The following FRRS1L variants were observed in gnomAD, a reference collection of about 807,000 sequenced individuals.
The protein encoded by FRRS1L is ferric chelate reductase 1 like.
FRRS1L carries 22 observed loss-of-function variants against 28.6 expected under a neutral mutation model. That is an observed-to-expected ratio of 0.77 (90% CI 0.55 to 1.10). FRRS1L has a LOEUF of 1.10. FRRS1L is among the 50% of genes least tolerant of loss of function. The pLI is 0.00. For synonymous variants in FRRS1L, 158 were observed against 151.4 expected, an observed-to-expected ratio of 1.04 and a Z score of -0.32; for missense variants, 380 against 386.9, an observed-to-expected ratio of 0.98 and a Z score of 0.15.
rs900599959 is a variant in FRRS1L, at chr9:109,133,168, G to A, written c.*4287C>T. On this transcript the variant is annotated 3_prime_UTR_variant, in exon 5 of 5. Coordinates refer to ENST00000561981, the MANE Select transcript of FRRS1L (RefSeq NM_014334.4). ...TTATATATTCACCTTTTGACTCAGC[G>A]GAGCAATAAAAAAAGCACTGGGCTC... 2.6e-5 allele frequency: 4 copies of A among 152,164 alleles called. No homozygotes were observed. The highest frequency in any genetic ancestry group is 2.1e-4 in the South Asian group (1 of 4,826). 9.4% of individuals were successfully genotyped at this position (152,164 alleles called of 1,614,324 possible). A position where few individuals can be genotyped will look rare whatever the true frequency, so the allele number is the denominator to read the frequency against.
At chr9:109,149,994 T>C in intron 1 of FRRS1L, 1 of 347,768 alleles carries the variant, frequency 2.9e-6, no homozygotes, top group Non-Finnish European at 5.3e-6. Flanking sequence ...CACAATTTCA[T>C]ATAACCACGG....
At chr9:109,163,461 C>G (rs1831503892) in intron 1 of FRRS1L, among the ~76,000 whole-genome samples, 1 of 152,136 alleles carries the variant, frequency 6.6e-6, no homozygotes, top group African/African-American at 2.4e-5. Flanking sequence ...GTGGGACCCT[C>G]AAAGAATTCT....
intron 3 of FRRS1L, among the ~76,000 whole-genome samples, chr9:109,145,962 G>A (rs1271237982): frequency 6.6e-6 from 1 of 152,168 alleles, no homozygotes; most frequent in South Asian, 2.1e-4. Flanking sequence ...CTGAGAGGTC[G>A]AGGTGGGTGG....
chr9:109,157,291 T>A (rs1336228873), intron 1 of FRRS1L, among the ~76,000 whole-genome samples: 1 of 152,244 alleles, frequency 6.6e-6, no homozygotes, highest in Admixed American at 6.5e-5. Context: ...TTTTAGTGGA[T>A]CTTATGTGCT....
At chr9:109,163,403 G>A (rs1406237737) in intron 1 of FRRS1L, among the ~76,000 whole-genome samples, 1 of 152,180 alleles carries the variant, frequency 6.6e-6, no homozygotes, top group African/African-American at 2.4e-5. Context: ...CCTGAAAGAG[G>A]TGACATTTGA....
At chr9:109,163,933 A>T (rs10979721) in intron 1 of FRRS1L, among the ~76,000 whole-genome samples, 44,963 of 151,954 alleles carry the variant, frequency 0.3, 7,471 homozygotes, top group African/African-American at 0.44. Context: ...ATCTCCTGAA[A>T]CCATCGATAA....
intron 1 of FRRS1L, among the ~76,000 whole-genome samples, chr9:109,153,916 T>G (rs1270679619): frequency 2.0e-5 from 3 of 152,254 alleles, no homozygotes; most frequent in African/African-American, 7.2e-5. Flanking sequence ...TTCTATAGGC[T>G]GAGTACTCTG....
chr9:109,143,690 T>A (rs2118474259), intron 3 of FRRS1L, among the ~76,000 whole-genome samples: 1 of 151,914 alleles, frequency 6.6e-6, no homozygotes, highest in South Asian at 2.1e-4. Context: ...AATTTTTGTA[T>A]TTTTAGTAGA....
chr9:109,165,397 G>A (rs1831535434), intron 1 of FRRS1L, among the ~76,000 whole-genome samples: 1 of 152,172 alleles, frequency 6.6e-6, no homozygotes, highest in Non-Finnish European at 1.5e-5. Flanking sequence ...TACTGATGAG[G>A]ACAAAGCCTC....
At chr9:109,160,407 A>G (rs1194949581) in intron 1 of FRRS1L, among the ~76,000 whole-genome samples, 1 of 151,740 alleles carries the variant, frequency 6.6e-6, no homozygotes, top group Non-Finnish European at 1.5e-5. Context: ...ACTTCCTGCT[A>G]TTCCTTTTAT....
Position 109,149,698 on chromosome 9 carries a change from A to C in FRRS1L, c.261T>G (p.Pro87=), listed in dbSNP as rs1186861987. 1 of 1,612,936 alleles carries C rather than the reference A, an allele frequency of 6.2e-7. No individual in the cohort carries two copies. Among genetic ancestry groups the C allele is most frequent in the Non-Finnish European group, 8.5e-7 (1 of 1,178,992 alleles). ...TGATTTTGGCAAATGGATCCACAGG[A>C]GGAGCAGTAGGGAAGGGGTAACCTG... is the stretch of plus-strand genomic sequence containing the variant. The part of the protein sequence containing the change: ...SEEGYPFPTA[P]PVDPFAKIKV... The change falls in exon 2 of 5, where the codon CCT becomes CCG. Residue 87 remains proline (P), a synonymous_variant. Transcript: ENST00000561981.
Position 109,141,939 on chromosome 9 carries a change from C to G in FRRS1L, c.463-350G>C, listed in dbSNP as rs79077827. Among the ~76,000 whole-genome samples, 765 of 140,202 alleles carry G rather than the reference C, an allele frequency of 5.5e-3. 2 individuals are homozygous for G. Among genetic ancestry groups the G allele is most frequent in the Non-Finnish European group, 9.1e-3 (589 of 65,062 alleles). The allele number at this position is 140,202 out of a possible 152,430, so 92.0% of individuals were successfully genotyped here. ...CCTATAATCTTCAAGGAGTCAGTGT[C>G]ATAAAAGACCAAAAAAAGAAAAAAA... On this transcript the variant is annotated intron_variant, in intron 3 of 4. Coordinates refer to ENST00000561981, the MANE Select transcript of FRRS1L (RefSeq NM_014334.4).
In FRRS1L at chr9:109,130,493, T is replaced by C. The variant is rs1462203020; in HGVS notation, c.*6962A>G. 2 of 152,176 alleles carry C rather than the reference T, an allele frequency of 1.3e-5. No homozygotes were observed. Among genetic ancestry groups the C allele is most frequent in the Non-Finnish European group, 2.9e-5 (2 of 68,026 alleles). 9.4% of individuals were successfully genotyped at this position (152,176 alleles called of 1,614,324 possible). A position where few individuals can be genotyped will look rare whatever the true frequency, so the allele number is the denominator to read the frequency against. ...TATTGCTACAATTACTTTACATAAATAGAAATCCACGTCTTTATTAGTAAT... is the reference window on the plus strand; with the variant it reads ...TATTGCTACAATTACTTTACATAAACAGAAATCCACGTCTTTATTAGTAAT... On this transcript the variant is annotated 3_prime_UTR_variant, in exon 5 of 5. Transcript: ENST00000561981.
intron 1 of FRRS1L, chr9:109,152,299 A>G (rs1300430668): frequency 6.6e-6 from 1 of 151,962 alleles, no homozygotes; most frequent in African/African-American, 2.4e-5. Flanking sequence ...ACAGGCACCC[A>G]CGACCACGCC....
chr9:109,151,011 T>C (rs1231607905), intron 1 of FRRS1L: 4 of 152,252 alleles, frequency 2.6e-5, no homozygotes, highest in African/African-American at 9.6e-5. Context: ...TGCTACTTTT[T>C]TTAAAGTGAG....
chr9:109,157,888 C>G (rs1831431423), intron 1 of FRRS1L, among the ~76,000 whole-genome samples: 1 of 152,170 alleles, frequency 6.6e-6, no homozygotes. Flanking sequence ...TATGGTTCAT[C>G]TTTGCCTAAA....
At chr9:109,150,805 A>G (rs566911683) in intron 1 of FRRS1L, 1 of 152,352 alleles carries the variant, frequency 6.6e-6, no homozygotes, top group Admixed American at 6.5e-5. Context: ...CGTACACAGG[A>G]ATCATGTGAG....
chr9:109,155,463 C>A (rs569623212), intron 1 of FRRS1L, among the ~76,000 whole-genome samples: 18 of 152,232 alleles, frequency 1.2e-4, no homozygotes, highest in Admixed American at 1.2e-3. Context: ...CCTGTAATCC[C>A]AGCACTTTAG....
intron 3 of FRRS1L, among the ~76,000 whole-genome samples, chr9:109,145,462 C>G (rs1194367007): frequency 6.6e-6 from 1 of 152,158 alleles, no homozygotes; most frequent in Non-Finnish European, 1.5e-5. Flanking sequence ...ATTTGGGAGG[C>G]TGGGGTGGGC....
Sources: allele counts gnomAD v4.1 joint callset (sites outside exome capture counted in the v4.1 genomes callset), GRCh38; gene constraint gnomAD v4.1.1; transcripts MANE v1.5; gene names NCBI Gene and HGNC (gene_info 2026-07-23, HGNC 2026-07-21).